The following CTNND2 variants were observed in gnomAD, a reference collection of about 807,000 sequenced individuals.
The protein encoded by CTNND2 is catenin delta-2.
CTNND2 carries 22 observed loss-of-function variants against 144.4 expected under a neutral mutation model. That is an observed-to-expected ratio of 0.15 (90% CI 0.11 to 0.22). CTNND2 has a LOEUF of 0.22. Among genes scored for constraint, CTNND2 ranks in the 10% least tolerant of loss-of-function variants. The pLI, the probability that CTNND2 is intolerant of heterozygous loss-of-function variation, is 1.00. For missense variants in CTNND2, 1,353 were observed against 1,618.8 expected, an observed-to-expected ratio of 0.84 and a Z score of 2.82; for synonymous variants, 751 against 695.6, an observed-to-expected ratio of 1.08 and a Z score of -1.25.
chr5:11,901,061 AT>A (rs1737842398), intron 1 of CTNND2, among the ~76,000 whole-genome samples: 1 of 152,236 alleles, frequency 6.6e-6, no homozygotes, highest in African/African-American at 2.4e-5. Flanking sequence ...AACAGTTTCT[AT>A]TTTAATTCAA....
intron 3 of CTNND2, among the ~76,000 whole-genome samples, chr5:11,518,667 T>C (rs918720424): frequency 7.9e-5 from 12 of 152,236 alleles, no homozygotes; most frequent in African/African-American, 2.2e-4. Context: ...GTATTTTTAC[T>C]ATACCTTTAC....
intron 3 of CTNND2, among the ~76,000 whole-genome samples, chr5:11,543,029 G>A (rs971234252): frequency 1.3e-5 from 2 of 152,200 alleles, no homozygotes; most frequent in Non-Finnish European, 2.9e-5. Flanking sequence ...TTCTACCTCT[G>A]CTCCAGGAAC....
intron 3 of CTNND2, among the ~76,000 whole-genome samples, chr5:11,429,412 C>T (rs1183313330): frequency 1.3e-5 from 2 of 152,158 alleles, no homozygotes; most frequent in Non-Finnish European, 2.9e-5. Context: ...AGCATGTCCC[C>T]GTTCTGCCTC....
At chr5:11,791,963 G>A (rs1052661147) in intron 1 of CTNND2, among the ~76,000 whole-genome samples, 9 of 152,104 alleles carry the variant, frequency 5.9e-5, no homozygotes, top group African/African-American at 2.2e-4. Context: ...CAAAGATGAG[G>A]ATGCCATGCC....
At chr5:11,511,329 A>C (rs533409020) in intron 3 of CTNND2, among the ~76,000 whole-genome samples, 3 of 152,342 alleles carry the variant, frequency 2.0e-5, no homozygotes, top group Middle Eastern at 3.4e-3. Context: ...GGATGTGTCC[A>C]GAAATTAGAG....
chr5:11,345,521 C>T (rs927329595), intron 9 of CTNND2, among the ~76,000 whole-genome samples: 4 of 152,100 alleles, frequency 2.6e-5, no homozygotes, highest in South Asian at 2.1e-4. Flanking sequence ...CAGGAACTTG[C>T]GTGCTCCATC....
chr5:11,115,316 G>A (rs940571996), intron 13 of CTNND2, among the ~76,000 whole-genome samples: 1 of 152,188 alleles, frequency 6.6e-6, no homozygotes, highest in East Asian at 1.9e-4. Context: ...TTTGGTGCTG[G>A]TGGCTGCACT....
chr5:11,761,442 T>C (rs1013103340), intron 1 of CTNND2, among the ~76,000 whole-genome samples: 2 of 152,198 alleles, frequency 1.3e-5, no homozygotes, highest in African/African-American at 2.4e-5. Context: ...GTTCCATTGA[T>C]ATTCTGAACA....
chr5:11,668,371 C>T (rs942787333), intron 2 of CTNND2, among the ~76,000 whole-genome samples: 18 of 152,318 alleles, frequency 1.2e-4, no homozygotes, highest in Middle Eastern at 3.4e-3. Flanking sequence ...CCCATTTTCA[C>T]GATATTGATT....
intron 2 of CTNND2, among the ~76,000 whole-genome samples, chr5:11,609,728 A>G (rs751355246): frequency 2.2e-4 from 34 of 152,122 alleles, no homozygotes; most frequent in Non-Finnish European, 4.7e-4. Context: ...CAGCCCTGGG[A>G]GGATGTGTCT....
At chr5:11,049,956 T>G (rs1442540025) in intron 16 of CTNND2, among the ~76,000 whole-genome samples, 1 of 152,200 alleles carries the variant, frequency 6.6e-6, no homozygotes, top group East Asian at 1.9e-4. Flanking sequence ...TGGAGATATT[T>G]CCAGTGCCAG....
At chr5:11,191,372 AC>A (rs1466323988) in intron 11 of CTNND2, among the ~76,000 whole-genome samples, 2 of 152,350 alleles carry the variant, frequency 1.3e-5, no homozygotes, top group African/African-American at 4.8e-5. Flanking sequence ...CACTCATGGG[AC>A]ACTGGACCAA....
chr5:11,196,042 G>A (rs1220987117), intron 11 of CTNND2, among the ~76,000 whole-genome samples: 1 of 152,190 alleles, frequency 6.6e-6, no homozygotes, highest in African/African-American at 2.4e-5. Context: ...CAGCATGCAT[G>A]TTTATGCGCT....
chr5:11,613,753 G>A (rs1780448065), intron 2 of CTNND2, among the ~76,000 whole-genome samples: 1 of 152,142 alleles, frequency 6.6e-6, no homozygotes, highest in African/African-American at 2.4e-5. Context: ...TCCTCAAGCT[G>A]GGTAAAGCTA....
chr5:11,623,750 G>T (rs1266279834), intron 2 of CTNND2, among the ~76,000 whole-genome samples: 1 of 135,080 alleles, frequency 7.4e-6, no homozygotes, highest in African/African-American at 2.9e-5. Flanking sequence ...TTACACAATG[G>T]TAAAGGGTTC....
chr5:11,656,319 GA>G (rs562013311), intron 2 of CTNND2, among the ~76,000 whole-genome samples: 191 of 151,200 alleles, frequency 1.3e-3, no homozygotes, highest in Middle Eastern at 3.4e-3. Context: ...AAACACTCTA[GA>G]AAAAAAGAGC....
chr5:11,219,950 C>T (rs894766154), intron 10 of CTNND2, among the ~76,000 whole-genome samples: 43 of 152,268 alleles, frequency 2.8e-4, no homozygotes, highest in African/African-American at 9.9e-4. Context: ...CTCACTCCAC[C>T]TCCCCAACTC....
At chr5:11,546,088 T>C (rs1467935943) in intron 3 of CTNND2, among the ~76,000 whole-genome samples, 1 of 152,178 alleles carries the variant, frequency 6.6e-6, no homozygotes, top group Non-Finnish European at 1.5e-5. Flanking sequence ...TATGATTCCA[T>C]GTATATGAAA....
At chr5:11,609,011 T>C (rs963024488) in intron 2 of CTNND2, among the ~76,000 whole-genome samples, 2 of 152,176 alleles carry the variant, frequency 1.3e-5, no homozygotes, top group Non-Finnish European at 2.9e-5. Flanking sequence ...TCCTGCAGCC[T>C]GGACCACGTT....
Sources: gnomAD v4.1 joint callset for allele counts (sites outside exome capture counted in the v4.1 genomes callset) on GRCh38, gnomAD v4.1.1 for gene constraint, MANE v1.5 for transcripts, NCBI Gene and HGNC (gene_info 2026-07-23, HGNC 2026-07-21) for gene names.